The following OTOGL variants were observed in gnomAD, a reference collection of about 807,000 sequenced individuals.
The protein encoded by OTOGL is otogelin like, also known as otogelin-like protein.
Under a neutral mutation model 318.5 loss-of-function variants are expected in OTOGL, and 285 were observed. The observed-to-expected ratio is 0.89, with a 90% CI of 0.81 to 0.99. The LOEUF (loss-of-function observed/expected upper bound fraction) is 0.99, where lower values mean the gene tolerates loss of function less well. OTOGL is among the 50% of genes least tolerant of loss of function. The pLI is 0.00. For missense variants in OTOGL, 2,899 were observed against 2,845.6 expected (o/e 1.02, Z -0.43); for synonymous variants, 987 against 936.5 (o/e 1.05, Z -0.99).
At chr12:80,224,811 T>C (rs1180213022) in intron 7 of OTOGL, among the ~76,000 whole-genome samples, 1 of 152,058 alleles carries the variant, frequency 6.6e-6, no homozygotes, top group African/African-American at 2.4e-5. Flanking sequence ...AGGCTACAAA[T>C]CTTCGTGACC....
chr12:80,318,505 A>G, intron 32 of OTOGL, 41 bp from the exon 33 acceptor site: 1 of 1,189,164 alleles, frequency 8.4e-7, no homozygotes, highest in Non-Finnish European at 1.1e-6. Context: ...AATTTTAAAA[A>G]TCTATGCCAA....
At chr12:80,368,741 A>G (rs1183067004) in intron 55 of OTOGL, among the ~76,000 whole-genome samples, 1 of 152,026 alleles carries the variant, frequency 6.6e-6, no homozygotes, top group Non-Finnish European at 1.5e-5. Flanking sequence ...TAGAATCTAG[A>G]GACAAGAAAA....
At chr12:80,359,207 T>C (rs1048075053) in intron 52 of OTOGL, among the ~76,000 whole-genome samples, 3 of 152,188 alleles carry the variant, frequency 2.0e-5, no homozygotes, top group African/African-American at 7.2e-5. Flanking sequence ...TATTGAGTGG[T>C]GTTGCTAATG....
chr12:80,153,773 C>T (rs1872939020), intron 1 of OTOGL, among the ~76,000 whole-genome samples: 1 of 152,134 alleles, frequency 6.6e-6, no homozygotes, highest in African/African-American at 2.4e-5. Context: ...CATAGTTTTG[C>T]CTTTCCCAGA....
At chr12:80,123,381 G>A (rs899981001) in intron 1 of OTOGL, among the ~76,000 whole-genome samples, 1 of 152,156 alleles carries the variant, frequency 6.6e-6, no homozygotes, top group Non-Finnish European at 1.5e-5. Flanking sequence ...TTTTAAGGCT[G>A]TGTAGTATTC....
chr12:80,174,098 G>T (rs528487932), intron 1 of OTOGL, among the ~76,000 whole-genome samples: 2 of 152,120 alleles, frequency 1.3e-5, no homozygotes, highest in Admixed American at 6.6e-5. Context: ...GGCTTTCCAC[G>T]AACTGGGCAA....
chr12:80,218,886 C>T (rs1238892914), intron 5 of OTOGL, among the ~76,000 whole-genome samples: 1 of 149,274 alleles, frequency 6.7e-6, no homozygotes, highest in Non-Finnish European at 1.5e-5. Context: ...CTTCTGCCTC[C>T]TGGATTCAAG....
At chr12:80,361,043 T>C (rs1370720515) in intron 52 of OTOGL, 2 of 152,090 alleles carry the variant, frequency 1.3e-5, no homozygotes, top group East Asian at 1.9e-4. Context: ...TTGTTACTAA[T>C]GATTGTCATT....
At chr12:80,170,569 G>A (rs1007258524) in intron 1 of OTOGL, among the ~76,000 whole-genome samples, 34 of 151,920 alleles carry the variant, frequency 2.2e-4, no homozygotes, top group African/African-American at 7.7e-4. Flanking sequence ...GAGTATCTGA[G>A]ATTACAGGTG....
chr12:80,099,930 C>G (rs970291885), intron 1 of OTOGL, among the ~76,000 whole-genome samples: 1 of 152,096 alleles, frequency 6.6e-6, no homozygotes, highest in Non-Finnish European at 1.5e-5. Context: ...TTGGATGGTT[C>G]CACTCCTGGT....
At chr12:80,309,143 AT>A (rs1292523713) in intron 29 of OTOGL, among the ~76,000 whole-genome samples, 1 of 152,204 alleles carries the variant, frequency 6.6e-6, no homozygotes, top group Admixed American at 6.5e-5. Flanking sequence ...AAATTCACTA[AT>A]TTTTATTTAG....
intron 52 of OTOGL, among the ~76,000 whole-genome samples, chr12:80,360,894 T>A (rs1403286373): frequency 6.6e-6 from 1 of 152,144 alleles, no homozygotes; most frequent in Non-Finnish European, 1.5e-5. Context: ...ATTTATTATG[T>A]ACATGTTAAT....
intron 1 of OTOGL, among the ~76,000 whole-genome samples, chr12:80,196,197 A>G (rs1306341345): frequency 6.6e-6 from 1 of 152,164 alleles, no homozygotes; most frequent in Non-Finnish European, 1.5e-5. Flanking sequence ...GTATCCATGA[A>G]CATTGAGCTA....
chr12:80,239,030 T>C, intron 10 of OTOGL, 52 bp downstream of exon 10: 1 of 1,502,586 alleles, frequency 6.7e-7, no homozygotes, highest in Non-Finnish European at 8.8e-7. Flanking sequence ...CACATATATC[T>C]TATTTGTATA....
chr12:80,253,121 T>C (rs538227406), intron 13 of OTOGL, among the ~76,000 whole-genome samples: 42 of 152,296 alleles, frequency 2.8e-4, no homozygotes, highest in African/African-American at 9.4e-4. Flanking sequence ...TTTCTCATCT[T>C]GGAATGAACA....
At chr12:80,105,751 G>C (rs1327982320) in intron 1 of OTOGL, among the ~76,000 whole-genome samples, 5 of 151,946 alleles carry the variant, frequency 3.3e-5, no homozygotes, top group Admixed American at 3.3e-4. Context: ...TTTGATTTTG[G>C]ATAAGAAGTG....
intron 1 of OTOGL, among the ~76,000 whole-genome samples, chr12:80,197,193 AC>A (rs1482256748): frequency 6.6e-6 from 1 of 152,126 alleles, no homozygotes; most frequent in African/African-American, 2.4e-5. Context: ...ACCTTTCTGG[AC>A]TGCACCAATG....
chr12:80,371,791 A>T lies in OTOGL; in HGVS notation c.6736-228A>T, dbSNP rs148913760. ...CTTTTAAGTAGAATAATCCTTTTAC[A>T]CTCTTTTCCATAGTACCAATGTATA... On this transcript the variant is annotated intron_variant, in intron 56 of 58. Coordinates refer to ENST00000547103, the MANE Select transcript of OTOGL (RefSeq NM_001378609.3). 5.7e-4 allele frequency among the ~76,000 whole-genome samples: 87 copies of T among 152,204 alleles called. No individual in the cohort carries two copies. In the East Asian group the frequency reaches 0.014, roughly 24 times the overall value.
In OTOGL at chr12:80,269,729, AT is replaced by A. The variant is rs545648997; in HGVS notation, c.2466-367del. Among the ~76,000 whole-genome samples the A allele has an allele frequency of 1.1e-4, 16 of 152,074 alleles. No homozygotes were observed. The East Asian group carries it at 2.9e-3, about 28-fold the overall frequency. On this transcript the variant is annotated intron_variant, in intron 22 of 58. Coordinates refer to ENST00000547103, the MANE Select transcript of OTOGL (RefSeq NM_001378609.3). ...TTGGTTGCCAACAGATTTTAAAAAC[AT>A]TTTTTCTTTGTTTTACTTCTATCTC...
Sources: gnomAD v4.1 joint callset for allele counts (sites outside exome capture counted in the v4.1 genomes callset) on GRCh38, gnomAD v4.1.1 for gene constraint, MANE v1.5 for transcripts, NCBI Gene and HGNC (gene_info 2026-07-23, HGNC 2026-07-21) for gene names.